Variants in NTRK3 observed in about 807,000 individuals in gnomAD.
NTRK3 encodes NT-3 growth factor receptor.
NTRK3 carries 24 observed loss-of-function variants against 91.7 expected under a neutral mutation model. The observed-to-expected ratio is 0.26, with a 90% CI of 0.19 to 0.37. NTRK3 has a LOEUF of 0.37. Among genes scored for constraint, NTRK3 ranks in the 10% least tolerant of loss-of-function variants. The pLI is 1.00. For synonymous variants in NTRK3, 483 were observed against 404.0 expected, an observed-to-expected ratio of 1.20 and a Z score of -2.34; for missense variants, 880 against 1,068.9, an observed-to-expected ratio of 0.82 and a Z score of 2.46.
At chr15:88,148,906 G>C (rs185329762) in intron 5 of NTRK3, among the ~76,000 whole-genome samples, 1 of 152,166 alleles carries the variant, frequency 6.6e-6, no homozygotes, top group African/African-American at 2.4e-5. Context: ...TTTTGGAGAG[G>C]AGAGAAAGAG....
Position 88,078,198 on chromosome 15 carries a change from G to A in NTRK3, c.1397-45153C>T, listed in dbSNP as rs569499109. 1.0e-3 allele frequency among the ~76,000 whole-genome samples: 155 copies of A among 152,350 alleles called. 1 individual carries two copies. Among genetic ancestry groups the A allele is most frequent in the African/African-American group, 3.5e-3 (144 of 41,574 alleles). ...GCTCTGTCCTCTTAGCATGGGCTCAGGGTCTGTTGCAATGTACACCCTATT... is the reference window on the plus strand; with the variant it reads ...GCTCTGTCCTCTTAGCATGGGCTCAAGGTCTGTTGCAATGTACACCCTATT... On this transcript the variant is annotated intron_variant, in intron 13 of 18. Transcript: ENST00000394480.
At chr15:88,141,412 T>C (rs1315949783) in intron 6 of NTRK3, among the ~76,000 whole-genome samples, 1 of 152,096 alleles carries the variant, frequency 6.6e-6, no homozygotes, top group Non-Finnish European at 1.5e-5. Context: ...GCAGGAAAGA[T>C]AGGCCAGAGG....
chr15:87,931,979 T>A (rs2068837530), intron 16 of NTRK3, among the ~76,000 whole-genome samples: 1 of 152,358 alleles, frequency 6.6e-6, no homozygotes, highest in East Asian at 1.9e-4. Context: ...AGGGCCTGTG[T>A]GTTTAACCTG....
chr15:88,249,282 G>T (rs1210542498), intron 3 of NTRK3, among the ~76,000 whole-genome samples: 2 of 152,214 alleles, frequency 1.3e-5, no homozygotes, highest in African/African-American at 4.8e-5. Context: ...TCATCGAGTT[G>T]ATTTCTAATT....
chr15:87,983,943 A>G (rs1369403597), intron 14 of NTRK3, among the ~76,000 whole-genome samples: 1 of 152,010 alleles, frequency 6.6e-6, no homozygotes, highest in Non-Finnish European at 1.5e-5. Flanking sequence ...GTTTAATTCT[A>G]TCCCTGGTGG....
intron 13 of NTRK3, among the ~76,000 whole-genome samples, chr15:88,042,922 GCCC>G (rs2079792315): frequency 6.6e-6 from 1 of 152,194 alleles, no homozygotes; most frequent in South Asian, 2.1e-4. Context: ...GCACCTTGCT[GCCC>G]CACCCTCCAG....
intron 14 of NTRK3, among the ~76,000 whole-genome samples, chr15:87,966,993 G>T (rs933014904): frequency 1.3e-5 from 2 of 152,188 alleles, no homozygotes; most frequent in Non-Finnish European, 2.9e-5. Flanking sequence ...CTCCACACAT[G>T]TCCCTTAGGG....
chr15:88,166,383 G>C (rs1027175165), intron 5 of NTRK3, among the ~76,000 whole-genome samples: 2 of 152,176 alleles, frequency 1.3e-5, no homozygotes, highest in African/African-American at 4.8e-5. Context: ...CTAACTCTTT[G>C]CTTGTGCCAA....
At chr15:88,155,440 C>G (rs895168677) in intron 5 of NTRK3, among the ~76,000 whole-genome samples, 1 of 152,194 alleles carries the variant, frequency 6.6e-6, no homozygotes, top group African/African-American at 2.4e-5. Context: ...TGACTGTAGC[C>G]TGATGAGACC....
At chr15:87,973,436 CT>C (rs775310793) in intron 14 of NTRK3, among the ~76,000 whole-genome samples, 3 of 152,184 alleles carry the variant, frequency 2.0e-5, no homozygotes, top group Non-Finnish European at 4.4e-5. Context: ...CTTCAACTCA[CT>C]TTTGGGTTCA....
intron 17 of NTRK3, among the ~76,000 whole-genome samples, chr15:87,921,858 AT>A (rs1227966152): frequency 6.6e-6 from 1 of 151,900 alleles, no homozygotes; most frequent in African/African-American, 2.4e-5. Context: ...TAATCTTGCT[AT>A]AAAGATTAGG....
At chr15:87,935,740 T>G (rs886883575) in intron 15 of NTRK3, among the ~76,000 whole-genome samples, 1 of 152,200 alleles carries the variant, frequency 6.6e-6, no homozygotes, top group Non-Finnish European at 1.5e-5. Context: ...TGGACGTCAA[T>G]GACAGCCCTG....
chr15:87,859,882 A>G (rs767865264), exon 19 of NTRK3: 1 of 182,958 alleles, frequency 5.5e-6, no homozygotes, highest in Non-Finnish European at 1.2e-5. Flanking sequence ...ACTATGAGAA[A>G]GACAGACATA....
exon 9 of NTRK3, chr15:88,135,916 A>G: frequency 1.2e-6 from 2 of 1,614,172 alleles, no homozygotes; most frequent in Non-Finnish European, 1.7e-6. Context: ...AGTGAGGGCA[A>G]CACTGGCATT....
At chr15:87,995,180 G>C (rs946069500) in intron 14 of NTRK3, among the ~76,000 whole-genome samples, 7 of 152,150 alleles carry the variant, frequency 4.6e-5, no homozygotes, top group Admixed American at 3.3e-4. Context: ...GGAGCCCAGA[G>C]AGCACCTGCT....
At chr15:87,866,232 T>C (rs2064672368) in exon 19 of NTRK3, 1 of 215,152 alleles carries the variant, frequency 4.6e-6, no homozygotes, top group African/African-American at 2.3e-5. Flanking sequence ...ATTCCCATTA[T>C]CCTCCCTCTA....
intron 3 of NTRK3, among the ~76,000 whole-genome samples, chr15:88,202,259 G>C (rs1310790939): frequency 2.0e-5 from 3 of 152,182 alleles, no homozygotes; most frequent in South Asian, 2.1e-4. Flanking sequence ...TATCTCAGCA[G>C]CCTTGCTCAG....
chr15:88,233,067 G>C lies in NTRK3; in HGVS notation c.248+22839C>G, dbSNP rs767163431. ...TTATAAATCTCTGCCTCTTAATGAT[G>C]GCTTCAAGGCTGAGGGGAGAAGGGA... On this transcript the variant is annotated intron_variant, in intron 3 of 18. Coordinates refer to ENST00000394480, the Ensembl canonical transcript of NTRK3. This position sits in a 1 kb window ranked among gnomAD's most constrained non-coding sequence, Gnocchi z 4.2. Among the ~76,000 whole-genome samples, 20 of 152,144 alleles carry C rather than the reference G, an allele frequency of 1.3e-4. No homozygotes were observed. The highest frequency in any genetic ancestry group is 2.5e-4 in the Non-Finnish European group (17 of 68,026).
chr15:88,229,683 C>A (rs141448738), intron 3 of NTRK3, among the ~76,000 whole-genome samples: 2 of 152,220 alleles, frequency 1.3e-5, no homozygotes, highest in Non-Finnish European at 1.5e-5. Flanking sequence ...CCTGGTCACT[C>A]TCTGCACACA....
Sources: gnomAD v4.1 joint callset for allele counts (sites outside exome capture counted in the v4.1 genomes callset) on GRCh38, gnomAD v4.1.1 for gene constraint, Gnocchi (gnomAD v3.1) non-coding constraint, MANE v1.5 for transcripts, NCBI Gene and HGNC (gene_info 2026-07-23, HGNC 2026-07-21) for gene names.